Variants in BLTP3A observed in about 807,000 individuals in gnomAD.
The protein encoded by BLTP3A is bridge-like lipid transfer protein family member 3A.
chr6:34,845,391 T>G, the BLTP3A span, among the ~76,000 whole-genome samples: 4 of 152,124 alleles, frequency 2.6e-5, no homozygotes, highest in Admixed American at 2.0e-4. Flanking sequence ...TTAGGATTAC[T>G]TTTCCCATTT....
At chr6:34,821,939 C>T in the BLTP3A span, 36 of 1,614,134 alleles carry the variant, frequency 2.2e-5, no homozygotes, top group Non-Finnish European at 3.1e-5. Flanking sequence ...AAGTTGAAGA[C>T]ACACCCTATT....
At chr6:34,836,277 A>G in the BLTP3A span, 1 of 1,614,188 alleles carries the variant, frequency 6.2e-7, no homozygotes, top group Non-Finnish European at 8.5e-7. Context: ...GATGTGAAAG[A>G]GTCCTCCTAC....
At chr6:34,803,454 C>G in the BLTP3A span, among the ~76,000 whole-genome samples, 1 of 152,186 alleles carries the variant, frequency 6.6e-6, no homozygotes, top group African/African-American at 2.4e-5. Context: ...CCAACCTGCT[C>G]AGGTCTGCAT....
At chr6:34,821,753 G>A in the BLTP3A span, 1 of 1,614,196 alleles carries the variant, frequency 6.2e-7, no homozygotes, top group Non-Finnish European at 8.5e-7. Flanking sequence ...TCTACAGAAT[G>A]TACTGGAGCT....
the BLTP3A span, among the ~76,000 whole-genome samples, chr6:34,793,528 TTGATC>T: frequency 6.6e-5 from 10 of 152,222 alleles, no homozygotes; most frequent in African/African-American, 2.4e-4. Context: ...GGCTGACACT[TTGATC>T]TGAGACTTTA....
chr6:34,873,601 C>G, the BLTP3A span: 1 of 152,154 alleles, frequency 6.6e-6, no homozygotes, highest in Non-Finnish European at 1.5e-5. Flanking sequence ...GAATTCTTCT[C>G]CAACACCATC....
chr6:34,863,928 G>A, the BLTP3A span: 1 of 1,383,504 alleles, frequency 7.2e-7, no homozygotes, highest in East Asian at 2.4e-5. Context: ...TGAAAGGGAT[G>A]GGTATTGTAA....
chr6:34,799,904 CTT>C, the BLTP3A span, among the ~76,000 whole-genome samples: 2 of 146,520 alleles, frequency 1.4e-5, no homozygotes, highest in Non-Finnish European at 1.5e-5. Flanking sequence ...GGAGATAGTA[CTT>C]TTTTTTTTTT....
At chr6:34,871,544 G>A in the BLTP3A span, 5 of 1,590,148 alleles carry the variant, frequency 3.1e-6, no homozygotes, top group Non-Finnish European at 4.3e-6. Context: ...ATTGCTCTGA[G>A]CTGGTGGGGG....
At chr6:34,834,854 A>G in the BLTP3A span, 5 of 1,613,482 alleles carry the variant, frequency 3.1e-6, no homozygotes, top group Non-Finnish European at 4.2e-6. Flanking sequence ...ATAGCCCTCA[A>G]AAGAAGAGTA....
the BLTP3A span, among the ~76,000 whole-genome samples, chr6:34,843,961 T>C: frequency 6.6e-6 from 1 of 152,076 alleles, no homozygotes; most frequent in Non-Finnish European, 1.5e-5. Context: ...TGACATCTCA[T>C]TGTAGTTTTA....
chr6:34,845,464 G>C, the BLTP3A span, among the ~76,000 whole-genome samples: 1 of 152,122 alleles, frequency 6.6e-6, no homozygotes, highest in African/African-American at 2.4e-5. Context: ...TGTTGCCCAG[G>C]CTGAATTGCA....
At chr6:34,830,961 G>A in the BLTP3A span, among the ~76,000 whole-genome samples, 1 of 152,002 alleles carries the variant, frequency 6.6e-6, no homozygotes. Context: ...TTTGGATATT[G>A]TCTTTCATAA....
At chr6:34,826,011 C>A in the BLTP3A span, among the ~76,000 whole-genome samples, 1 of 138,170 alleles carries the variant, frequency 7.2e-6, no homozygotes, top group Non-Finnish European at 1.6e-5. Flanking sequence ...ATTTTATATT[C>A]TTTTTACATT....
the BLTP3A span, among the ~76,000 whole-genome samples, chr6:34,848,949 C>CT: frequency 2.1e-4 from 20 of 97,114 alleles, no homozygotes; most frequent in South Asian, 3.9e-3. Context: ...TAATTTCTTG[C>CT]ATTTTTTTTT....
chr6:34,831,663 A>C, the BLTP3A span, among the ~76,000 whole-genome samples: 1 of 152,096 alleles, frequency 6.6e-6, no homozygotes, highest in Non-Finnish European at 1.5e-5. Context: ...TTGTTTGATG[A>C]AGGTAGGCAT....
chr6:34,851,491 C>G, the BLTP3A span, among the ~76,000 whole-genome samples: 1,286 of 152,270 alleles, frequency 8.4e-3, 18 homozygotes, highest in African/African-American at 0.027. Flanking sequence ...AGCAGTGTCT[C>G]TCCATGCTAA....
the BLTP3A span, among the ~76,000 whole-genome samples, chr6:34,811,684 CCG>C: frequency 0.23 from 29,939 of 128,490 alleles, 4,481 homozygotes; most frequent in African/African-American, 0.36. Flanking sequence ...ACCCCCCCCC[CCG>C]CATCTCTACT....
chr6:34,868,748 C>G, the BLTP3A span, among the ~76,000 whole-genome samples: 1 of 148,900 alleles, frequency 6.7e-6, no homozygotes, highest in Non-Finnish European at 1.5e-5. Flanking sequence ...AAAATTAGCT[C>G]GGTGTGGCGG....
Sources: gnomAD v4.1 joint callset for allele counts (sites outside exome capture counted in the v4.1 genomes callset) on GRCh38, gnomAD v4.1.1 for gene constraint, MANE v1.5 for transcripts, NCBI Gene and HGNC (gene_info 2026-07-23, HGNC 2026-07-21) for gene names.